Variants in PAK5 observed in about 807,000 individuals in gnomAD.
PAK5 encodes the protein serine/threonine-protein kinase PAK 5.
In PAK5, 16 loss-of-function variants were observed where a neutral mutation model predicts 65.9. That is an observed-to-expected ratio of 0.24 (90% CI 0.16 to 0.37). The LOEUF (loss-of-function observed/expected upper bound fraction) is 0.37. PAK5 is among the 10% of genes least tolerant of loss of function. The pLI, the probability that PAK5 is intolerant of heterozygous loss-of-function variation, is 1.00. For missense variants in PAK5, 785 were observed against 903.9 expected (o/e 0.87, Z 1.69); for synonymous variants, 371 against 354.9 (o/e 1.05, Z -0.51).
chr20:9,575,794 T>A (rs2045876057), intron 4 of PAK5: 1 of 152,210 alleles, frequency 6.6e-6, no homozygotes. Flanking sequence ...CATGTCCACC[T>A]TTCTGCCCCT....
rs1367523992 is a variant in PAK5, at chr20:9,726,963, A to C, written c.-161-15528T>G. ...GTTATGAGTTTGGAATGCCTGGTCC[A>C]AAGGCTTTGCCAATTAGAATCTTCA... On this transcript the variant is annotated intron_variant, in intron 1 of 9. Transcript: ENST00000353224. Among the ~76,000 whole-genome samples, 10 of 152,180 alleles carry C rather than the reference A, an allele frequency of 6.6e-5. No individual in the cohort carries two copies. In the East Asian group the frequency reaches 1.3e-3, roughly 20 times the overall value.
At chr20:9,777,052 C>A (rs979818828) in intron 1 of PAK5, among the ~76,000 whole-genome samples, 1 of 152,098 alleles carries the variant, frequency 6.6e-6, no homozygotes, top group African/African-American at 2.4e-5. Context: ...GAAGGCATCT[C>A]TGAGAATTTA....
chr20:9,578,507 G>A (rs956374546), intron 4 of PAK5, among the ~76,000 whole-genome samples: 1 of 152,044 alleles, frequency 6.6e-6, no homozygotes, highest in African/African-American at 2.4e-5. Flanking sequence ...TCTGGGCAAT[G>A]TTTTCTCTGT....
intron 1 of PAK5, among the ~76,000 whole-genome samples, chr20:9,751,904 T>A (rs949832252): frequency 6.6e-6 from 1 of 152,168 alleles, no homozygotes; most frequent in African/African-American, 2.4e-5. Context: ...TCAACAAACA[T>A]TTACTTAGCA....
chr20:9,730,168 G>T (rs8124878), intron 1 of PAK5, among the ~76,000 whole-genome samples: 1 of 151,602 alleles, frequency 6.6e-6, no homozygotes, highest in Non-Finnish European at 1.5e-5. Context: ...AAATATTTAA[G>T]ATTATTTTTA....
At chr20:9,568,937 A>G (rs984160301) in intron 4 of PAK5, among the ~76,000 whole-genome samples, 1 of 152,200 alleles carries the variant, frequency 6.6e-6, no homozygotes, top group Non-Finnish European at 1.5e-5. Flanking sequence ...TCTGGCAAAC[A>G]GCCATGTGAG....
At chr20:9,548,093 G>T (rs1300176246) in intron 7 of PAK5, among the ~76,000 whole-genome samples, 1 of 152,126 alleles carries the variant, frequency 6.6e-6, no homozygotes, top group Non-Finnish European at 1.5e-5. Flanking sequence ...CTGTAATCTG[G>T]TGCCTTTTCG....
chr20:9,566,116 G>T lies in PAK5; in HGVS notation c.1259C>A (p.Ser420Tyr), dbSNP rs1372579185. 1.9e-6 allele frequency: 3 copies of T among 1,613,940 alleles called. No individual in the cohort carries two copies. The highest frequency in any genetic ancestry group is 1.7e-6 in the Non-Finnish European group (2 of 1,179,934). The change falls in exon 5 of 10, where the codon TCC becomes TAC. Residue 420 changes from serine to tyrosine, a missense_variant. Ser to Tyr is a moderately radical substitution (Grantham distance 144). Around this residue, in one of 4 missense-constraint regions of PAK5, gnomAD observed 422 missense variants for 413.3 expected, o/e 1.02. Transcript: ENST00000353224. Reference protein sequence around the residue: ...TYPPPSWGSSSDQQPSRVSHE... With the variant: ...TYPPPSWGSSYDQQPSRVSHE... The stretch of plus-strand genomic sequence containing the variant: ...GGACACCCTGGAGGGCTGCTGGTCG[G>T]AGGAGGAGCCCCAGCTGGGCGGCGG...
chr20:9,709,729 G>A (rs1350470664), intron 2 of PAK5, among the ~76,000 whole-genome samples: 1 of 152,168 alleles, frequency 6.6e-6, no homozygotes, highest in Non-Finnish European at 1.5e-5. Context: ...ATATTGGAAA[G>A]CAAGCTGCAC....
chr20:9,705,488 A>G (rs1388220784), intron 2 of PAK5, among the ~76,000 whole-genome samples: 1 of 152,170 alleles, frequency 6.6e-6, no homozygotes, highest in African/African-American at 2.4e-5. Flanking sequence ...ATTGCTACCA[A>G]TTCTGTGGGA....
chr20:9,625,493 G>A (rs372071632), intron 3 of PAK5, among the ~76,000 whole-genome samples: 1 of 152,204 alleles, frequency 6.6e-6, no homozygotes, highest in African/African-American at 2.4e-5. Context: ...TGCTGTGCAC[G>A]GGTTTTTGGT....
intron 3 of PAK5, among the ~76,000 whole-genome samples, chr20:9,623,906 T>C (rs2046805846): frequency 6.6e-6 from 1 of 152,188 alleles, no homozygotes; most frequent in Admixed American, 6.5e-5. Flanking sequence ...TACCAGGGCA[T>C]GGTGAGAATG....
At chr20:9,544,280 C>T in intron 8 of PAK5, 89 bp downstream of exon 8, 1 of 1,365,942 alleles carries the variant, frequency 7.3e-7, no homozygotes, top group Non-Finnish European at 1.0e-6. Context: ...TCATTGCCCC[C>T]ATCTCCTGTG....
At chr20:9,656,450 G>C (rs2047269476) in intron 2 of PAK5, among the ~76,000 whole-genome samples, 1 of 152,042 alleles carries the variant, frequency 6.6e-6, no homozygotes, top group Non-Finnish European at 1.5e-5. Context: ...GGAAGAGAGA[G>C]GACCCAGTCC....
intron 3 of PAK5, 28 bp downstream of exon 3, chr20:9,644,097 C>G (rs760424370): frequency 4.5e-6 from 7 of 1,568,448 alleles, no homozygotes; most frequent in Non-Finnish European, 6.1e-6. Context: ...ATTCTTAAGC[C>G]CAGCCAAAGA....
chr20:9,719,092 G>A (rs565640161), intron 1 of PAK5, among the ~76,000 whole-genome samples: 2 of 152,210 alleles, frequency 1.3e-5, no homozygotes, highest in South Asian at 4.1e-4. Context: ...GTTGGAATAA[G>A]GTATGTTCTG....
chr20:9,658,105 A>G, intron 2 of PAK5, among the ~76,000 whole-genome samples: 1 of 152,236 alleles, frequency 6.6e-6, no homozygotes, highest in Middle Eastern at 3.2e-3. Context: ...AATCCTGGAA[A>G]TATCACTGTT....
chr20:9,687,092 T>C (rs1344571210), intron 2 of PAK5, among the ~76,000 whole-genome samples: 2 of 152,150 alleles, frequency 1.3e-5, no homozygotes, highest in African/African-American at 4.8e-5. Context: ...TTGGGGACTG[T>C]GTTAGTTCAC....
intron 1 of PAK5, among the ~76,000 whole-genome samples, chr20:9,776,371 T>G (rs565110859): frequency 1.3e-5 from 2 of 152,338 alleles, no homozygotes; most frequent in South Asian, 4.1e-4. Flanking sequence ...ACTAATGATG[T>G]AAGTGTAAGC....
Sources: allele counts gnomAD v4.1 joint callset (sites outside exome capture counted in the v4.1 genomes callset), GRCh38; gene constraint gnomAD v4.1.1; regional missense constraint gnomAD v4.1.1; transcripts MANE v1.5; gene names NCBI Gene and HGNC (gene_info 2026-07-23, HGNC 2026-07-21).